SH3D19: variants seen among roughly 807,000 people sequenced by gnomAD.
SH3D19 encodes SH3 domain-containing protein 19.
Under a neutral mutation model 112.1 loss-of-function variants are expected in SH3D19, and 58 were observed. The observed-to-expected ratio is 0.52, with a 90% CI of 0.42 to 0.64. The LOEUF is 0.64. SH3D19 is among the 30% of genes least tolerant of loss of function. The probability of loss-of-function intolerance (pLI) is 0.00; values close to 1 mark genes in which losing one functional copy is unlikely to be tolerated. For missense variants in SH3D19, 1,090 were observed against 1,263.4 expected, an observed-to-expected ratio of 0.86 and a Z score of 2.08; for synonymous variants, 391 against 448.5, an observed-to-expected ratio of 0.87 and a Z score of 1.62.
At chr4:151,320,221 G>A (rs1320657723) in intron 1 of SH3D19, among the ~76,000 whole-genome samples, 1 of 152,204 alleles carries the variant, frequency 6.6e-6, no homozygotes, top group East Asian at 1.9e-4. Context: ...TATAGAAAGA[G>A]TAAATTTAGT....
rs549357957 is a variant in SH3D19, at chr4:151,148,963, G to A, written c.1817+537C>T. On this transcript the variant is annotated intron_variant, in intron 10 of 19. Coordinates refer to ENST00000604030, the MANE Select transcript of SH3D19 (RefSeq NM_001378122.1). Reference sequence around the variant, plus strand: ...TGAGGCAGGAGAATCGCTTGAACCCGGGAGGCGGAGGTTGCAGTGAGCTGA... The same window carrying A: ...TGAGGCAGGAGAATCGCTTGAACCCAGGAGGCGGAGGTTGCAGTGAGCTGA... Among the ~76,000 whole-genome samples the A allele has an allele frequency of 1.1e-4, 17 of 152,202 alleles. No individual in the cohort carries two copies. The East Asian group carries it at 2.7e-3, about 24-fold the overall frequency.
chr4:151,230,961 C>G (rs924337958), intron 1 of SH3D19, among the ~76,000 whole-genome samples: 1 of 152,174 alleles, frequency 6.6e-6, no homozygotes, highest in Non-Finnish European at 1.5e-5. Context: ...CTGTAGCATA[C>G]TCCCAAGCAT....
intron 1 of SH3D19, among the ~76,000 whole-genome samples, chr4:151,311,150 C>A (rs1729423900): frequency 6.7e-6 from 1 of 148,756 alleles, no homozygotes; most frequent in Non-Finnish European, 1.5e-5. Flanking sequence ...TATGTATACA[C>A]ACACAGTGGA....
intron 1 of SH3D19, among the ~76,000 whole-genome samples, chr4:151,242,033 A>C (rs2149968527): frequency 1.3e-5 from 2 of 152,148 alleles, no homozygotes; most frequent in Middle Eastern, 6.8e-3. Flanking sequence ...CTCTACAAAA[A>C]ACAAAAAATT....
intron 1 of SH3D19, among the ~76,000 whole-genome samples, chr4:151,310,360 C>T (rs1729330421): frequency 6.6e-6 from 1 of 151,908 alleles, no homozygotes; most frequent in Admixed American, 6.6e-5. Context: ...GACAACACAG[C>T]AAGACCCTGT....
chr4:151,290,408 A>G (rs897250349), intron 1 of SH3D19, among the ~76,000 whole-genome samples: 2 of 152,242 alleles, frequency 1.3e-5, no homozygotes, highest in African/African-American at 4.8e-5. Flanking sequence ...CCTTGAAAAG[A>G]ATGTGCTAAC....
intron 1 of SH3D19, among the ~76,000 whole-genome samples, chr4:151,273,185 T>C (rs1417760840): frequency 6.6e-6 from 1 of 152,134 alleles, no homozygotes; most frequent in African/African-American, 2.4e-5. Flanking sequence ...ATACCAAAAC[T>C]GAAATATCTA....
chr4:151,223,517 C>T (rs1436746535), intron 2 of SH3D19, among the ~76,000 whole-genome samples: 1 of 152,120 alleles, frequency 6.6e-6, no homozygotes, highest in Non-Finnish European at 1.5e-5. Context: ...TTTCCCTTAG[C>T]CCAGACCCAG....
intron 1 of SH3D19, among the ~76,000 whole-genome samples, chr4:151,254,984 T>G (rs1580336092): frequency 7.0e-6 from 1 of 141,856 alleles, no homozygotes; most frequent in Non-Finnish European, 1.5e-5. Flanking sequence ...ATGGGGCGGC[T>G]GGCTGGGCAG....
Position 151,137,653 on chromosome 4 carries a change from T to C in SH3D19, c.2427+79A>G, listed in dbSNP as rs75475017. 2,635 of 1,152,930 alleles carry C rather than the reference T, an allele frequency of 2.3e-3. 40 individuals are homozygous for C. In the African/African-American group the frequency reaches 0.037, roughly 16 times the overall value. The allele number at this position is 1,152,930 out of a possible 1,614,324, so 71.4% of individuals were successfully genotyped here. On this transcript the variant is annotated intron_variant, in intron 14 of 19. Coordinates refer to ENST00000604030, the MANE Select transcript of SH3D19 (RefSeq NM_001378122.1). ...GAAAGAGAACTAGAATCTGGGTTTC[T>C]AGTTATTTTTTCCAACCTACAAGTC...
intron 1 of SH3D19, among the ~76,000 whole-genome samples, chr4:151,264,044 ATC>A (rs1416191150): frequency 6.6e-6 from 1 of 152,118 alleles, no homozygotes; most frequent in Non-Finnish European, 1.5e-5. Flanking sequence ...AGCTCAAGTG[ATC>A]CTCCTGCCTT....
chr4:151,220,577 A>T (rs956003893), intron 2 of SH3D19, among the ~76,000 whole-genome samples: 1 of 152,236 alleles, frequency 6.6e-6, no homozygotes, highest in African/African-American at 2.4e-5. Context: ...ACTGACTGCC[A>T]TAGGGCTTAA....
At chr4:151,139,894 T>C in intron 12 of SH3D19, 47 bp from the exon 13 acceptor site, 1 of 1,586,494 alleles carries the variant, frequency 6.3e-7, no homozygotes. Flanking sequence ...GGATAGATGG[T>C]GGATTTATTA....
chr4:151,166,104 C>T (rs1036349757), intron 7 of SH3D19: 1 of 160,796 alleles, frequency 6.2e-6, no homozygotes, highest in Non-Finnish European at 1.4e-5. Context: ...TGTGCCTGTC[C>T]CAGAATATTT....
At chr4:151,305,764 T>C (rs1728853147) in intron 1 of SH3D19, among the ~76,000 whole-genome samples, 1 of 152,236 alleles carries the variant, frequency 6.6e-6, no homozygotes, top group Non-Finnish European at 1.5e-5. Flanking sequence ...GAAAACAGTT[T>C]GGAAATTTAT....
intron 1 of SH3D19, among the ~76,000 whole-genome samples, chr4:151,303,551 G>T (rs184757792): frequency 3.3e-5 from 5 of 152,238 alleles, no homozygotes; most frequent in Non-Finnish European, 5.9e-5. Flanking sequence ...CAATACAGAA[G>T]TATAAAGTGA....
chr4:151,256,379 A>G (rs13128346), intron 1 of SH3D19, among the ~76,000 whole-genome samples: 52,619 of 152,158 alleles, frequency 0.35, 10,507 homozygotes, highest in Non-Finnish European at 0.44. Flanking sequence ...CTGGAAGCAG[A>G]AGTATTTGAA....
intron 3 of SH3D19, among the ~76,000 whole-genome samples, chr4:151,180,963 T>C (rs868653968): frequency 0.012 from 1,477 of 118,402 alleles, 7 homozygotes; most frequent in Middle Eastern, 0.021. Context: ...TTAGTAGAGA[T>C]GGGGTTTCAC....
chr4:151,219,363 T>C (rs1767661985), intron 2 of SH3D19, among the ~76,000 whole-genome samples: 1 of 152,156 alleles, frequency 6.6e-6, no homozygotes, highest in Admixed American at 6.6e-5. Flanking sequence ...CCCTGCTCTT[T>C]TACTATAAAT....
Sources: gnomAD v4.1 joint callset for allele counts (sites outside exome capture counted in the v4.1 genomes callset) on GRCh38, gnomAD v4.1.1 for gene constraint, MANE v1.5 for transcripts, NCBI Gene and HGNC (gene_info 2026-07-23, HGNC 2026-07-21) for gene names.